Variants in ZC3H11A observed in about 807,000 individuals in gnomAD.
ZC3H11A encodes zinc finger CCCH-type containing 11A.
A neutral mutation model predicts 90.8 loss-of-function variants in ZC3H11A; 22 were observed. The ratio of observed to expected loss-of-function variants is 0.24; its 90% CI spans 0.17 to 0.35. ZC3H11A has a LOEUF of 0.35. Among genes scored for constraint, ZC3H11A ranks in the 10% least tolerant of loss-of-function variants. The pLI is 1.00. For synonymous variants in ZC3H11A, 294 were observed against 339.8 expected (o/e 0.87, Z 1.48); for missense variants, 701 against 964.9 (o/e 0.73, Z 3.62).
intron 2 of ZC3H11A, among the ~76,000 whole-genome samples, chr1:203,811,904 C>T (rs1441397804): frequency 6.6e-6 from 1 of 151,720 alleles, no homozygotes; most frequent in East Asian, 1.9e-4. Context: ...CAACCTCCAC[C>T]TCCTGTGTTC....
rs752834525 is a variant in ZC3H11A, at chr1:203,829,844, C to T, written c.567C>T (p.His189=). 7.4e-6 allele frequency: 12 copies of T among 1,614,152 alleles called. No homozygotes were observed. In the South Asian group the frequency reaches 1.2e-4, roughly 16 times the overall value. ...TPTLQPTPEV[H]NGLRVTSVRK... ...CCCTGCAACCAACTCCTGAAGTTCA[C>T]AATGGATTACGAGTGACTTCTGTCC... Residue 189 remains histidine, a synonymous_variant, in exon 7 of 18, where the codon CAC becomes CAT. Coordinates refer to ENST00000367210, the MANE Select transcript of ZC3H11A (RefSeq NM_001376342.1).
chr1:203,807,707 T>G (rs1672854101), intron 2 of ZC3H11A, among the ~76,000 whole-genome samples: 3 of 152,056 alleles, frequency 2.0e-5, no homozygotes, highest in Admixed American at 2.0e-4. Context: ...TTTTTTCTTT[T>G]GGGAGAGAGA....
At position 203,833,872 on chromosome 1, in the gene ZC3H11A, A is replaced by G. The variant is rs199845115; in HGVS notation, c.874+19A>G. On this transcript the variant is annotated intron_variant, in intron 10 of 17. Coordinates refer to ENST00000367210, the MANE Select transcript of ZC3H11A (RefSeq NM_001376342.1). ...TCAGCAGGTAAGATAAGTTTTGTGT[A>G]TATCTTTTCTTTTCTACTTGTTTGT... 469 of 1,598,872 alleles carry G rather than the reference A, an allele frequency of 2.9e-4. No individual in the cohort carries two copies. Among genetic ancestry groups the G allele is most frequent in the Middle Eastern group, 1.8e-3 (11 of 6,026 alleles).
At chr1:203,849,334 T>C (rs1320244298) in intron 14 of ZC3H11A, among the ~76,000 whole-genome samples, 8 of 152,390 alleles carry the variant, frequency 5.2e-5, no homozygotes, top group Non-Finnish European at 1.2e-4. Context: ...AGTTTGTTTT[T>C]ACTGACCACA....
intron 2 of ZC3H11A, among the ~76,000 whole-genome samples, chr1:203,814,554 A>C (rs1675609791): frequency 6.6e-6 from 1 of 152,016 alleles, no homozygotes; most frequent in African/African-American, 2.4e-5. Context: ...CCTTTCCTCC[A>C]GTTTCCAATA....
chr1:203,826,380 AATT>A (rs142468010), intron 4 of ZC3H11A, among the ~76,000 whole-genome samples: 1,387 of 134,370 alleles, frequency 0.01, 13 homozygotes, highest in Middle Eastern at 0.018. Context: ...GATTAATAAT[AATT>A]AATTCTTTTT....
At chr1:203,809,683 G>T (rs896554580) in intron 2 of ZC3H11A, among the ~76,000 whole-genome samples, 2 of 152,156 alleles carry the variant, frequency 1.3e-5, no homozygotes, top group Admixed American at 6.5e-5. Flanking sequence ...ACCGGGTGCG[G>T]TGGCTCACGG....
At chr1:203,818,316 T>TTTCCC in intron 3 of ZC3H11A, among the ~76,000 whole-genome samples, 1 of 149,720 alleles carries the variant, frequency 6.7e-6, no homozygotes, top group Non-Finnish European at 1.5e-5. Flanking sequence ...CACTCCTACT[T>TTTCCC]GTCTTTTTCA....
chr1:203,848,309 G>A (rs755656621), intron 13 of ZC3H11A, 22 bp from the exon 14 acceptor site: 79 of 1,581,410 alleles, frequency 5.0e-5, no homozygotes, highest in Admixed American at 1.1e-4. Flanking sequence ...AATAACTAAT[G>A]ATGTCTTTAA....
chr1:203,826,293 C>G (rs1224188292), intron 4 of ZC3H11A, among the ~76,000 whole-genome samples: 1 of 150,836 alleles, frequency 6.6e-6, no homozygotes, highest in Non-Finnish European at 1.5e-5. Flanking sequence ...GGTAGTGTGC[C>G]CACAGTAGCC....
At chr1:203,808,615 C>G (rs1673171985) in intron 2 of ZC3H11A, among the ~76,000 whole-genome samples, 3 of 152,222 alleles carry the variant, frequency 2.0e-5, no homozygotes, top group Middle Eastern at 3.4e-3. Context: ...CAATTTCCCT[C>G]TTAGTGACAT....
chr1:203,821,374 T>C (rs1035209015), intron 4 of ZC3H11A, among the ~76,000 whole-genome samples: 1 of 152,212 alleles, frequency 6.6e-6, no homozygotes, highest in African/African-American at 2.4e-5. Context: ...GAAAATGGAC[T>C]AATACATGTG....
chr1:203,800,490 A>C (rs925177863), intron 1 of ZC3H11A: 3 of 1,459,998 alleles, frequency 2.1e-6, no homozygotes, highest in Non-Finnish European at 2.7e-6. Context: ...AAAATGGGCA[A>C]CTTTTTGCTG....
intron 8 of ZC3H11A, among the ~76,000 whole-genome samples, chr1:203,831,191 C>T (rs143322592): frequency 1.9e-4 from 29 of 151,886 alleles, no homozygotes; most frequent in African/African-American, 6.3e-4. Context: ...TAATCCACTG[C>T]GCCCAGCCCC....
rs564728552 is a variant in ZC3H11A at position 203,798,496 on chromosome 1, G to A, written c.-1588+2702G>A. ...CATTGGGCTGTTGCCAACAAAGACA[G>A]TGGTGCTGTTGCAAATGGATTAGAT... On this transcript the variant is annotated intron_variant, in intron 1 of 17. Transcript: ENST00000367210. 326 of 1,536,142 alleles carry A rather than the reference G, an allele frequency of 2.1e-4. 5 individuals are homozygous for A. In the South Asian group the frequency reaches 3.7e-3, roughly 18 times the overall value.
At chr1:203,844,738 C>G (rs551059523) in intron 12 of ZC3H11A, among the ~76,000 whole-genome samples, 11 of 152,186 alleles carry the variant, frequency 7.2e-5, no homozygotes, top group African/African-American at 2.4e-4. Context: ...GATGGGAGGT[C>G]TGGGGGCTCA....
chr1:203,803,113 T>G (rs1261535681), intron 2 of ZC3H11A, 97 bp downstream of exon 2: 1 of 152,414 alleles, frequency 6.6e-6, no homozygotes, highest in Non-Finnish European at 1.5e-5. Flanking sequence ...TAAAAGGCCA[T>G]TGTTCAGACA....
intron 2 of ZC3H11A, among the ~76,000 whole-genome samples, chr1:203,804,223 T>C (rs1671447924): frequency 6.6e-6 from 1 of 150,538 alleles, no homozygotes; most frequent in African/African-American, 2.4e-5. Context: ...GTGATCTCGA[T>C]TCACTGCAAA....
intron 10 of ZC3H11A, among the ~76,000 whole-genome samples, chr1:203,835,071 C>G (rs1262138231): frequency 6.6e-6 from 1 of 152,232 alleles, no homozygotes; most frequent in Non-Finnish European, 1.5e-5. Flanking sequence ...ACTACCCTAT[C>G]TTCAGAACCG....
Sources: allele counts gnomAD v4.1 joint callset (sites outside exome capture counted in the v4.1 genomes callset), GRCh38; gene constraint gnomAD v4.1.1; transcripts MANE v1.5; gene names NCBI Gene and HGNC (gene_info 2026-07-23, HGNC 2026-07-21).